SIK3: variants seen among roughly 807,000 people sequenced by gnomAD.
SIK3 encodes the protein serine/threonine-protein kinase SIK3.
A neutral mutation model predicts 144.2 loss-of-function variants in SIK3; 28 were observed. That is an observed-to-expected ratio of 0.19 (90% CI 0.14 to 0.27). The LOEUF (loss-of-function observed/expected upper bound fraction) is 0.27, where lower values mean the gene tolerates loss of function less well. SIK3 is among the 10% of genes least tolerant of loss of function. The pLI is 1.00. For synonymous variants in SIK3, 686 were observed against 676.3 expected (o/e 1.01, Z -0.22); for missense variants, 1,319 against 1,776.0 (o/e 0.74, Z 4.62).
At chr11:116,988,350 C>A (rs139997440) in intron 1 of SIK3, among the ~76,000 whole-genome samples, 150 of 151,492 alleles carry the variant, frequency 9.9e-4, no homozygotes, top group African/African-American at 3.5e-3. Context: ...GGCGCCACTG[C>A]ACTCCAGCCC....
Position 116,849,237 on chromosome 11 carries a change from T to G in SIK3, c.3702A>C (p.Ala1234=). The G allele has an allele frequency of 6.2e-7, 1 of 1,614,216 alleles. No homozygotes were observed. The highest frequency in any genetic ancestry group is 8.5e-7 in the Non-Finnish European group (1 of 1,180,030). ...NCMDRSSPGQ[A]VELPDHNGLG... ...GCCCATTGTGATCCGGCAGCTCCAC[T>G]GCTTGTCCTGGAGAACTTCTATCCA... Residue 1234 remains alanine (A), a synonymous_variant, in exon 22 of 25, where the codon GCA becomes GCC. Transcript: ENST00000445177. The surrounding 1 kb of genome is among the most constrained non-coding windows in gnomAD (Gnocchi z 4.2).
intron 1 of SIK3, among the ~76,000 whole-genome samples, chr11:117,081,079 T>C (rs1425590795): frequency 6.6e-6 from 1 of 152,064 alleles, no homozygotes. Flanking sequence ...TGTACTGACA[T>C]GGAATAATGT....
chr11:116,856,915 T>C (rs1370321902), intron 21 of SIK3: 1 of 152,202 alleles, frequency 6.6e-6, no homozygotes, highest in Non-Finnish European at 1.5e-5. Context: ...GTCTCAGGGT[T>C]GTACAGTTTA....
At chr11:116,986,334 T>C (rs1950324538) in intron 1 of SIK3, among the ~76,000 whole-genome samples, 1 of 152,184 alleles carries the variant, frequency 6.6e-6, no homozygotes, top group Non-Finnish European at 1.5e-5. Flanking sequence ...GATTACAACA[T>C]AAAATGTAGC....
At chr11:117,033,470 G>C (rs1471015187) in intron 1 of SIK3, among the ~76,000 whole-genome samples, 1 of 152,112 alleles carries the variant, frequency 6.6e-6, no homozygotes, top group Non-Finnish European at 1.5e-5. Context: ...GGGAGGCCAA[G>C]GCAGGTGGAT....
Position 117,098,411 on chromosome 11 carries a change from G to C in SIK3, c.5C>G (p.Ala2Gly). 8.8e-7 allele frequency: 1 copy of C among 1,140,484 alleles called. No individual in the cohort carries two copies. The highest frequency in any genetic ancestry group is 1.1e-6 in the Non-Finnish European group (1 of 931,374). The allele number at this position is 1,140,484 out of a possible 1,614,324, so 70.6% of individuals were successfully genotyped here. A position where few individuals can be genotyped will look rare whatever the true frequency, so the allele number is the denominator to read the frequency against. ...GCCAGCTCCGCTCGCCGCCGCCGCC[G>C]CCATCTTGTTGTGCAGTGAAACCTC... M[A>G]AAAASGAGGA... The change falls in exon 1 of 25, where the codon GCG (alanine) becomes GGG (glycine). Residue 2 changes from alanine to glycine, a missense_variant. By Grantham distance (60) the Ala-to-Gly change is moderately conservative. Coordinates refer to ENST00000445177, the MANE Select transcript of SIK3 (RefSeq NM_001366686.3).
intron 1 of SIK3, among the ~76,000 whole-genome samples, chr11:116,966,508 T>C (rs1949553942): frequency 6.6e-6 from 1 of 152,226 alleles, no homozygotes; most frequent in South Asian, 2.1e-4. Context: ...TTTTACACAA[T>C]ATTTTAAATA....
At chr11:116,937,469 T>C (rs1322398089) in intron 3 of SIK3, among the ~76,000 whole-genome samples, 1 of 152,216 alleles carries the variant, frequency 6.6e-6, no homozygotes, top group African/African-American at 2.4e-5. Context: ...TAGATTACGG[T>C]ACATAATACC....
rs200871318 is a variant in SIK3, at chr11:116,880,302, CA to C, written c.866-3261del. Among the ~76,000 whole-genome samples, 836 of 136,590 alleles carry C rather than the reference CA, an allele frequency of 6.1e-3. 3 individuals are homozygous for C. The highest frequency in any genetic ancestry group is 0.012 in the Middle Eastern group (3 of 252). 89.6% of individuals were successfully genotyped at this position (136,590 alleles called of 152,430 possible). Reference sequence around the variant, plus strand: ...GGCCTCAGATGCCTTGAAAATTCTCCAAAAAAAAAAAAAAATCTGCACAAGA... The same window carrying C: ...GGCCTCAGATGCCTTGAAAATTCTCCAAAAAAAAAAAAAATCTGCACAAGA... On this transcript the variant is annotated intron_variant, in intron 6 of 24. Coordinates refer to ENST00000445177, the MANE Select transcript of SIK3 (RefSeq NM_001366686.3).
chr11:116,915,673 T>C (rs1449952617), intron 4 of SIK3, among the ~76,000 whole-genome samples: 1 of 152,198 alleles, frequency 6.6e-6, no homozygotes, highest in Non-Finnish European at 1.5e-5. Flanking sequence ...CTTTGTTTCT[T>C]GAGGCCCTAG....
intron 1 of SIK3, among the ~76,000 whole-genome samples, chr11:116,993,763 A>C (rs1950571171): frequency 6.6e-6 from 1 of 152,184 alleles, no homozygotes; most frequent in South Asian, 2.1e-4. Flanking sequence ...ATTAGCTGAA[A>C]AACCTCTGAA....
intron 14 of SIK3, 111 bp downstream of exon 14, chr11:116,870,220 C>T (rs763563475): frequency 1.3e-6 from 2 of 1,560,612 alleles, no homozygotes; most frequent in South Asian, 1.2e-5. Context: ...AAAGAGACCA[C>T]ACAAATGTTG....
intron 1 of SIK3, among the ~76,000 whole-genome samples, chr11:116,983,479 G>A (rs567953807): frequency 2.1e-5 from 3 of 145,402 alleles, no homozygotes; most frequent in East Asian, 4.2e-4. Flanking sequence ...GCAGTGAGCC[G>A]AGATTGTGCC....
intron 3 of SIK3, among the ~76,000 whole-genome samples, chr11:116,933,663 C>G (rs186330965): frequency 6.6e-6 from 1 of 152,074 alleles, no homozygotes; most frequent in South Asian, 2.1e-4. Flanking sequence ...TCTCAAGAGA[C>G]AAGGTCTTGC....
chr11:116,857,866 T>A lies in SIK3; in HGVS notation c.3599A>T (p.His1200Leu), dbSNP rs1162012531. The part of the protein sequence containing the change: ...TVSHAQELGI[H>L]PYGHQPTAAF... ...AGCAGTTGGCTGATGACCATAGGGATGTATCCCCAATTCTTGGGCATGACT... is the reference window on the plus strand; with the variant it reads ...AGCAGTTGGCTGATGACCATAGGGAAGTATCCCCAATTCTTGGGCATGACT... Residue 1200 changes from histidine (H) to leucine (L), a missense_variant, in exon 21 of 25, where the codon CAT (histidine) becomes CTT (leucine). Physicochemically the swap from His to Leu is moderately conservative, Grantham distance 99. Coordinates refer to ENST00000445177, the MANE Select transcript of SIK3 (RefSeq NM_001366686.3). 6.2e-7 allele frequency: 1 copy of A among 1,614,114 alleles called. No individual in the cohort carries two copies. The highest frequency in any genetic ancestry group is 8.5e-7 in the Non-Finnish European group (1 of 1,180,052).
In SIK3 at chr11:116,859,559, G is replaced by A; in HGVS notation, c.2471C>T (p.Ala824Val). 1 of 1,614,184 alleles carries A rather than the reference G, an allele frequency of 6.2e-7. No individual in the cohort carries two copies. Among genetic ancestry groups the A allele is most frequent in the Non-Finnish European group, 8.5e-7 (1 of 1,180,026 alleles). The change falls in exon 20 of 25, where the codon GCA (alanine) becomes GTA (valine). Residue 824 changes from alanine to valine, a missense_variant. Around this residue, in one of 8 missense-constraint regions of SIK3, gnomAD observed 646 missense variants for 763.7 expected, o/e 0.85. Coordinates refer to ENST00000445177, the MANE Select transcript of SIK3 (RefSeq NM_001366686.3). ...GTTCTCAGGTTGCTGCTGAAAGATTGCACTGCGGGAAGGTAAGCCTTGAAA... is the reference window on the plus strand; with the variant it reads ...GTTCTCAGGTTGCTGCTGAAAGATTACACTGCGGGAAGGTAAGCCTTGAAA... Reference protein sequence around the residue: ...SQFQGLPSRSAIFQQQPENCS... With the variant: ...SQFQGLPSRSVIFQQQPENCS...
intron 3 of SIK3, among the ~76,000 whole-genome samples, chr11:116,944,231 GGGAAGCAGTCTCTGGGTTCTT>G (rs1351359875): frequency 6.6e-6 from 1 of 152,156 alleles, no homozygotes; most frequent in Non-Finnish European, 1.5e-5. Context: ...CTTGGCTTCT[GGGAAGCAGTCTCTGGGTTCTT>G]GGAATGTTAT....
chr11:116,917,780 GA>G (rs1379957461), intron 4 of SIK3, among the ~76,000 whole-genome samples: 1 of 140,332 alleles, frequency 7.1e-6, no homozygotes, highest in African/African-American at 2.8e-5. Flanking sequence ...AAGAACGAAA[GA>G]AAGAAAAGGA....
chr11:116,924,525 T>G (rs879475616), intron 4 of SIK3, among the ~76,000 whole-genome samples: 1 of 152,080 alleles, frequency 6.6e-6, no homozygotes, highest in African/African-American at 2.4e-5. Context: ...ATGAACAACA[T>G]TCTCTTCATT....
Sources: allele counts gnomAD v4.1 joint callset (sites outside exome capture counted in the v4.1 genomes callset), GRCh38; gene constraint gnomAD v4.1.1; regional missense constraint gnomAD v4.1.1; non-coding constraint Gnocchi (gnomAD v3.1); transcripts MANE v1.5; gene names NCBI Gene and HGNC (gene_info 2026-07-23, HGNC 2026-07-21).